ADGRE1: variants seen among roughly 807,000 people sequenced by gnomAD.
ADGRE1 encodes adhesion G protein-coupled receptor E1.
A neutral mutation model predicts 102.7 loss-of-function variants in ADGRE1; 82 were observed. The observed-to-expected ratio is 0.80, with a 90% CI of 0.67 to 0.96. The LOEUF (loss-of-function observed/expected upper bound fraction) is 0.96. ADGRE1 is among the 40% of genes least tolerant of loss of function. ADGRE1 has a pLI of 0.00. For synonymous variants in ADGRE1, 398 were observed against 399.6 expected, an observed-to-expected ratio of 1.00 and a Z score of 0.05; for missense variants, 1,032 against 1,085.3, an observed-to-expected ratio of 0.95 and a Z score of 0.69.
chr19:6,897,341 G>C (rs1364397712), intron 4 of ADGRE1, 37 bp downstream of exon 4: 1 of 1,612,102 alleles, frequency 6.2e-7, no homozygotes, highest in East Asian at 2.2e-5. Flanking sequence ...GGTCTTGGGT[G>C]GATATCTATC....
intron 2 of ADGRE1, among the ~76,000 whole-genome samples, chr19:6,892,022 G>A (rs1020310800): frequency 1.1e-4 from 17 of 152,112 alleles, no homozygotes; most frequent in African/African-American, 2.2e-4. Context: ...CCACAAGACC[G>A]GGTTGTTACT....
intron 11 of ADGRE1, among the ~76,000 whole-genome samples, chr19:6,914,132 G>A (rs1423516417): frequency 6.6e-6 from 1 of 152,222 alleles, no homozygotes; most frequent in Non-Finnish European, 1.5e-5. Flanking sequence ...CTTCCTGTTT[G>A]CCCTGCTGGG....
intron 17 of ADGRE1, among the ~76,000 whole-genome samples, chr19:6,933,775 C>A (rs980662352): frequency 4.6e-5 from 7 of 152,252 alleles, no homozygotes; most frequent in African/African-American, 1.4e-4. Flanking sequence ...AACATCCTAC[C>A]GTGCACAAGG....
At position 6,934,998 on chromosome 19, in the gene ADGRE1, T is replaced by A; in HGVS notation, c.2301T>A (p.Leu767=). Residue 767 remains leucine (L), a synonymous_variant, in exon 18 of 21, where the codon CTT becomes CTA. Coordinates refer to ENST00000312053, the MANE Select transcript of ADGRE1 (RefSeq NM_001974.5). ...PVCTVIVINS[L]LLTWTLWILR... Reference sequence around the variant, plus strand: ...GCTTGACTTTGCAGATCAACTCCCTTCTCCTGACCTGGACCTTGTGGATCC... The same window carrying A: ...GCTTGACTTTGCAGATCAACTCCCTACTCCTGACCTGGACCTTGTGGATCC... The A allele has an allele frequency of 6.3e-7, 1 of 1,585,024 alleles. No individual in the cohort carries two copies. Among genetic ancestry groups the A allele is most frequent in the Non-Finnish European group, 8.6e-7 (1 of 1,164,694 alleles).
intron 16 of ADGRE1, 104 bp downstream of exon 16, chr19:6,926,705 A>G (rs890829842): frequency 5.0e-6 from 6 of 1,208,154 alleles, no homozygotes; most frequent in Non-Finnish European, 7.2e-6. Context: ...AGTTGTGGCT[A>G]CCATTTATCG....
chr19:6,935,278 A>G (rs12980952), intron 18 of ADGRE1, among the ~76,000 whole-genome samples, 200 bp downstream of exon 18: 3,122 of 152,198 alleles, frequency 0.021, 46 homozygotes, highest in Non-Finnish European at 0.032. Context: ...TAGGCAAGTT[A>G]CGTAACCTCT....
chr19:6,898,366 A>C (rs377696579), intron 5 of ADGRE1: 144 of 1,598,100 alleles, frequency 9.0e-5, no homozygotes, highest in South Asian at 5.3e-4. Flanking sequence ...CTGCAAAAAC[A>C]TGTCAGGGAG....
chr19:6,939,971 C>A (rs527400088), intron 20 of ADGRE1, 53 bp from the exon 21 acceptor site: 2 of 1,602,268 alleles, frequency 1.2e-6, no homozygotes, highest in Middle Eastern at 1.7e-4. Context: ...CTTGGAATCA[C>A]GTTTGTATTA....
intron 20 of ADGRE1, among the ~76,000 whole-genome samples, chr19:6,938,993 A>G (rs1187705922): frequency 6.6e-6 from 1 of 151,908 alleles, no homozygotes; most frequent in Non-Finnish European, 1.5e-5. Flanking sequence ...ACAGGGTTTC[A>G]TGATGTTGGC....
At chr19:6,930,248 G>T (rs1443131122) in intron 17 of ADGRE1, among the ~76,000 whole-genome samples, 3 of 152,140 alleles carry the variant, frequency 2.0e-5, no homozygotes, top group Admixed American at 6.5e-5. Context: ...GAATTGTGGG[G>T]GAAGGAGTGA....
intron 17 of ADGRE1, among the ~76,000 whole-genome samples, chr19:6,933,093 C>T (rs961926156): frequency 2.6e-5 from 4 of 152,134 alleles, no homozygotes; most frequent in Non-Finnish European, 2.9e-5. Flanking sequence ...TGGTGGCCCG[C>T]GCCTGTAATC....
At chr19:6,893,235 T>C (rs1290477268) in intron 2 of ADGRE1, among the ~76,000 whole-genome samples, 1 of 152,222 alleles carries the variant, frequency 6.6e-6, no homozygotes, top group Non-Finnish European at 1.5e-5. Context: ...TTTGCTCTTG[T>C]TGCCCAGGCT....
rs186879851 is a variant in ADGRE1 at position 6,926,319 on chromosome 19, T to C, written c.1987-47T>C. ...TCTCTCTTCCTTTCTTCCTTTCGAT[T>C]TCTCTCTGGGGTGGAGGATTCTGAT... On this transcript the variant is annotated intron_variant, in intron 15 of 20. Coordinates refer to ENST00000312053, the MANE Select transcript of ADGRE1 (RefSeq NM_001974.5). 190 of 1,599,976 alleles carry C rather than the reference T, an allele frequency of 1.2e-4. No homozygotes were observed. The African/African-American group carries it at 2.2e-3, about 18-fold the overall frequency.
chr19:6,897,684 C>T lies in ADGRE1; in HGVS notation c.514+137C>T, dbSNP rs910072866. 9.8e-6 allele frequency: 9 copies of T among 913,778 alleles called. No individual in the cohort carries two copies. In the African/African-American group the frequency reaches 1.0e-4, roughly 11 times the overall value. 56.6% of individuals were successfully genotyped at this position (913,778 alleles called of 1,614,324 possible). ...TCAGAGAGGTAAAAATATATAGTTG[C>T]TTATATCTTTTTCTATCCCTTTACT... On this transcript the variant is annotated intron_variant, in intron 5 of 20. Transcript: ENST00000312053.
In ADGRE1 at chr19:6,908,271, A is replaced by G. The variant is rs371875632; in HGVS notation, c.1039-418A>G. Among the ~76,000 whole-genome samples, 12 of 152,298 alleles carry G rather than the reference A, an allele frequency of 7.9e-5. No individual in the cohort carries two copies. In the East Asian group the frequency reaches 1.5e-3, roughly 20 times the overall value. On this transcript the variant is annotated intron_variant, in intron 9 of 20. Transcript: ENST00000312053. Reference sequence around the variant, plus strand: ...AGTTAATCTAATATCTATAGAAACAATGCTTATCACTGGCTTGCTGTTAAT... The same window carrying G: ...AGTTAATCTAATATCTATAGAAACAGTGCTTATCACTGGCTTGCTGTTAAT...
chr19:6,890,421 GTTTTTTTTTTTTT>G (rs57355800), intron 1 of ADGRE1, 47 bp from the exon 2 acceptor site: 5 of 451,326 alleles, frequency 1.1e-5, no homozygotes, highest in South Asian at 3.0e-5. Flanking sequence ...AGCCCAAAAG[GTTTTTTTTTTTTT>G]TTTTTTTTTT....
Position 6,921,710 on chromosome 19 carries a change from TAGC to T in ADGRE1, c.1621-2_1621del. 1.9e-6 allele frequency: 3 copies of T among 1,585,002 alleles called. No homozygotes were observed. ...TGTTTTTTTGTTTTTTTGTTTTTTT[TAGC>T]CAAAGCAGAAGTTTGAGAGGCCCAT... On this transcript the variant is annotated splice_acceptor_variant and coding_sequence_variant, in exon 14 of 21. Coordinates refer to ENST00000312053, the MANE Select transcript of ADGRE1 (RefSeq NM_001974.5). LOFTEE classifies it high-confidence loss of function.
chr19:6,921,428 A>G (rs1035754538), intron 13 of ADGRE1, among the ~76,000 whole-genome samples: 6 of 152,188 alleles, frequency 3.9e-5, no homozygotes, highest in African/African-American at 1.2e-4. Flanking sequence ...TCACACACAC[A>G]CACACAAACC....
chr19:6,937,379 A>G lies in ADGRE1; in HGVS notation c.2518A>G (p.Ile840Val), dbSNP rs1358456323. Residue 840 changes from isoleucine (I) to valine (V), a missense_variant, in exon 19 of 21, where the codon ATC becomes GTC. Physicochemically the swap from Ile to Val is conservative, Grantham distance 29. Transcript: ENST00000312053. ...CATCAACAGCCTGCAGGGGGCCTTC[A>G]TCTTCCTCATCCACTGTCTGCTCAA... ...TIINSLQGAF[I>V]FLIHCLLNGQ... 2 of 1,613,620 alleles carry G rather than the reference A, an allele frequency of 1.2e-6. No individual in the cohort carries two copies. The highest frequency in any genetic ancestry group is 1.7e-6 in the Non-Finnish European group (2 of 1,179,950).
Sources: gnomAD v4.1 joint callset for allele counts (sites outside exome capture counted in the v4.1 genomes callset) on GRCh38, gnomAD v4.1.1 for gene constraint, MANE v1.5 for transcripts, NCBI Gene and HGNC (gene_info 2026-07-23, HGNC 2026-07-21) for gene names.